KPTN: variants seen among roughly 807,000 people sequenced by gnomAD.
KPTN encodes the protein KICSTOR complex protein kaptin.
A neutral mutation model predicts 52.6 loss-of-function variants in KPTN; 36 were observed. The observed-to-expected ratio is 0.68, with a 90% CI of 0.52 to 0.90. KPTN has a LOEUF of 0.90. Among genes scored for constraint, KPTN ranks in the 40% least tolerant of loss-of-function variants. The probability of loss-of-function intolerance (pLI) is 0.00; values close to 1 mark genes in which losing one functional copy is unlikely to be tolerated. For synonymous variants in KPTN, 271 were observed against 248.4 expected (o/e 1.09, Z -0.85); for missense variants, 529 against 576.2 (o/e 0.92, Z 0.84).
chr19:47,483,091 G>A, intron 4 of KPTN, 70 bp downstream of exon 4: 1 of 1,413,980 alleles, frequency 7.1e-7, no homozygotes, highest in Non-Finnish European at 1.0e-6. Context: ...TGTAAGTAAA[G>A]AAGGGGTTCG....
chr19:47,480,317 G>A lies in KPTN; in HGVS notation c.690C>T (p.His230=), dbSNP rs1376377863. 1.4e-6 allele frequency: 2 copies of A among 1,423,518 alleles called. No individual in the cohort carries two copies. The highest frequency in any genetic ancestry group is 1.2e-5 in the South Asian group (1 of 82,138). 88.2% of individuals were successfully genotyped at this position (1,423,518 alleles called of 1,614,324 possible). A position where few individuals can be genotyped will look rare whatever the true frequency, so the allele number is the denominator to read the frequency against. ...CCTCACCTCGACTCCGCTGGTCCAC[G>A]TGGGCGACACGGACATAACCACTCT... ...GCQSGYVRVA[H]VDQRSREVLQ... is the part of the protein sequence containing the mutation. Residue 230 remains histidine, a synonymous_variant, in exon 7 of 12, where the codon CAC becomes CAT. Transcript: ENST00000338134.
upstream of KPTN, chr19:47,484,274 C>G: frequency 7.6e-7 from 1 of 1,309,852 alleles, no homozygotes. Flanking sequence ...GGGCTGATGA[C>G]GTACGGAAGC....
chr19:47,484,072 C>T lies in KPTN; in HGVS notation c.89G>A (p.Gly30Glu). 1 of 1,610,298 alleles carries T rather than the reference C, an allele frequency of 6.2e-7. No individual in the cohort carries two copies. Among genetic ancestry groups the T allele is most frequent in the Non-Finnish European group, 8.5e-7 (1 of 1,179,826 alleles). ...TRFSSQSNVY[G>E]LAGGAGGRGE... Reference sequence around the variant, plus strand: ...GCGCCCGCCGGCGCCGCCTGCCAGCCCGTACACATTGCTCTGCGACGAGAA... The same window carrying T: ...GCGCCCGCCGGCGCCGCCTGCCAGCTCGTACACATTGCTCTGCGACGAGAA... Residue 30 changes from glycine to glutamate, a missense_variant, in exon 1 of 12, where the codon GGG becomes GAG. Gly to Glu is a moderately conservative substitution (Grantham distance 98). Coordinates refer to ENST00000338134, the MANE Select transcript of KPTN (RefSeq NM_007059.4).
At chr19:47,477,850 AG>A (rs1342554026) in intron 8 of KPTN, 69 bp from the exon 9 acceptor site, 1 of 1,068,996 alleles carries the variant, frequency 9.4e-7, no homozygotes, top group East Asian at 2.5e-5. Flanking sequence ...AGCTGAGGTC[AG>A]GAGTTCGAGA....
chr19:47,482,649 C>A (rs988683578), intron 4 of KPTN, among the ~76,000 whole-genome samples: 1 of 152,140 alleles, frequency 6.6e-6, no homozygotes, highest in African/African-American at 2.4e-5. Flanking sequence ...TTTGTGCTTT[C>A]CATTCTCACA....
rs372955218 is a variant in KPTN, at chr19:47,483,182, G to A, written c.428C>T (p.Pro143Leu). 1.7e-5 allele frequency: 28 copies of A among 1,613,940 alleles called. 1 individual carries two copies. Among genetic ancestry groups the A allele is most frequent in the Non-Finnish European group, 2.0e-5 (24 of 1,180,012 alleles). ...TCACTCCGCATGGCACAGCTGGAAC[G>A]GAGTGAACTGGAGCTCCAGGTTCAG... is the stretch of plus-strand genomic sequence containing the variant. ...SCLNLELQFT[P>L]FQLCHAEVQV... Residue 143 changes from proline to leucine, a missense_variant, in exon 4 of 12, where the codon CCG becomes CTG. Coordinates refer to ENST00000338134, the MANE Select transcript of KPTN (RefSeq NM_007059.4).
At chr19:47,484,480 C>T (rs1024590470), upstream of KPTN, 48 of 429,176 alleles carry the variant, frequency 1.1e-4, no homozygotes, top group Non-Finnish European at 1.8e-4. Context: ...GTCGAATCAT[C>T]ATCATCATAA....
chr19:47,484,069 A>T lies in KPTN; in HGVS notation c.92T>A (p.Leu31Gln). ...CCCGCGCCCGCCGGCGCCGCCTGCC[A>T]GCCCGTACACATTGCTCTGCGACGA... Reference protein sequence around the residue: ...RFSSQSNVYGLAGGAGGRGEL... With the variant: ...RFSSQSNVYGQAGGAGGRGEL... The change falls in exon 1 of 12, where the codon CTG (leucine) becomes CAG (glutamine). Residue 31 changes from leucine (L) to glutamine (Q), a missense_variant. By Grantham distance (113) the Leu-to-Gln change is moderately radical (BLOSUM62 -2). Coordinates refer to ENST00000338134, the MANE Select transcript of KPTN (RefSeq NM_007059.4). The T allele has an allele frequency of 6.2e-7, 1 of 1,610,456 alleles. No homozygotes were observed. Among genetic ancestry groups the T allele is most frequent in the Non-Finnish European group, 8.5e-7 (1 of 1,179,798 alleles).
rs909313408 is a variant in KPTN, at chr19:47,475,651, G to A, written c.1183-107C>T. Reference sequence around the variant, plus strand: ...TCCAAAGGCCAGGAGCTCGGCCCACGTGGGAGGGCAGAGAGCAGACCACAG... The same window carrying A: ...TCCAAAGGCCAGGAGCTCGGCCCACATGGGAGGGCAGAGAGCAGACCACAG... On this transcript the variant is annotated intron_variant, in intron 11 of 11. Coordinates refer to ENST00000338134, the MANE Select transcript of KPTN (RefSeq NM_007059.4). 21 of 1,347,544 alleles carry A rather than the reference G, an allele frequency of 1.6e-5. No individual in the cohort carries two copies. The Middle Eastern group carries it at 6.0e-4, about 39-fold the overall frequency. 83.5% of individuals were successfully genotyped at this position (1,347,544 alleles called of 1,614,324 possible).
intron 8 of KPTN, among the ~76,000 whole-genome samples, chr19:47,478,567 T>TAAAAAAAAAAAAAAAAAAA (rs757744803): frequency 4.5e-5 from 3 of 66,232 alleles, no homozygotes; most frequent in African/African-American, 9.8e-5. Flanking sequence ...AGACTCTGTC[T>TAAAAAAAAAAAAAAAAAAA]AAAAAAAAAA....
chr19:47,483,257 G>A (rs1444314000), intron 3 of KPTN, 38 bp downstream of exon 3: 1 of 1,612,244 alleles, frequency 6.2e-7, no homozygotes, highest in Non-Finnish European at 8.5e-7. Flanking sequence ...GGGACCTGCT[G>A]GGGACTCTCT....
chr19:47,477,478 T>C (rs951346500), intron 9 of KPTN, among the ~76,000 whole-genome samples: 1 of 151,964 alleles, frequency 6.6e-6, no homozygotes, highest in Non-Finnish European at 1.5e-5. Context: ...ACCTACTACA[T>C]CTACTCCAGG....
At chr19:47,475,605 G>GAC (rs1703651815) in intron 11 of KPTN, 61 bp from the exon 12 acceptor site, 1 of 1,588,290 alleles carries the variant, frequency 6.3e-7, no homozygotes. Context: ...ACCACAGCGG[G>GAC]ACCGTCTGGA....
At chr19:47,483,092 A>G in intron 4 of KPTN, 69 bp downstream of exon 4, 1 of 1,414,548 alleles carries the variant, frequency 7.1e-7, no homozygotes, top group Non-Finnish European at 1.0e-6. Context: ...GTAAGTAAAG[A>G]AGGGGTTCGA....
chr19:47,477,880 T>C, intron 8 of KPTN, 99 bp from the exon 9 acceptor site: 1 of 736,998 alleles, frequency 1.4e-6, no homozygotes, highest in Non-Finnish European at 2.3e-6. Flanking sequence ...GTCAACATGA[T>C]AAAACCCCGC....
chr19:47,483,255 C>A (rs753441183), intron 3 of KPTN, 40 bp from the exon 4 acceptor site: 1 of 1,613,392 alleles, frequency 6.2e-7, no homozygotes, highest in Admixed American at 1.7e-5. Flanking sequence ...GGGGGACCTG[C>A]TGGGGACTCT....
chr19:47,484,358 C>A, upstream of KPTN: 1 of 620,282 alleles, frequency 1.6e-6, no homozygotes, highest in Admixed American at 3.0e-5. Flanking sequence ...TGCCCCACTG[C>A]GCCCGCGCTC....
At chr19:47,476,370 C>A (rs540487641) in intron 11 of KPTN, among the ~76,000 whole-genome samples, 162 bp downstream of exon 11, 1 of 74,104 alleles carries the variant, frequency 1.3e-5, no homozygotes, top group East Asian at 3.6e-4. Context: ...CCCACCCCAG[C>A]TGCTGTGAGC....
At chr19:47,483,077 G>C in intron 4 of KPTN, 84 bp downstream of exon 4, 1 of 1,260,978 alleles carries the variant, frequency 7.9e-7, no homozygotes, top group Non-Finnish European at 1.2e-6. Context: ...AGACTACAGG[G>C]GTCTGTAAGT....
Sources: gnomAD v4.1 joint callset for allele counts (sites outside exome capture counted in the v4.1 genomes callset) on GRCh38, gnomAD v4.1.1 for gene constraint, MANE v1.5 for transcripts, NCBI Gene and HGNC (gene_info 2026-07-23, HGNC 2026-07-21) for gene names.